The following RSF1 variants were observed in gnomAD, a reference collection of about 807,000 sequenced individuals.
RSF1 encodes HBV pX-associated protein 8.
In RSF1, 13 loss-of-function variants were observed where a neutral mutation model predicts 145.2. The ratio of observed to expected loss-of-function variants is 0.09; its 90% CI spans 0.06 to 0.14. The LOEUF (loss-of-function observed/expected upper bound fraction) is 0.14, where lower values mean the gene tolerates loss of function less well. Ranked by LOEUF, RSF1 falls within the 10% of genes least tolerant of loss-of-function variation. The pLI, the probability that RSF1 is intolerant of heterozygous loss-of-function variation, is 1.00. For synonymous variants in RSF1, 577 were observed against 592.6 expected, an observed-to-expected ratio of 0.97 and a Z score of 0.38; for missense variants, 1,517 against 1,718.2, an observed-to-expected ratio of 0.88 and a Z score of 2.07.
At chr11:77,670,904 C>T (rs552306527) in intron 15 of RSF1, among the ~76,000 whole-genome samples, 180 of 151,134 alleles carry the variant, frequency 1.2e-3, no homozygotes, top group Non-Finnish European at 2.2e-3. Context: ...GTCAGGAGTT[C>T]GAGACTAGCT....
At chr11:77,715,458 A>T (rs1294017395) in intron 5 of RSF1, among the ~76,000 whole-genome samples, 2 of 147,768 alleles carry the variant, frequency 1.4e-5, no homozygotes, top group African/African-American at 2.7e-5. Context: ...TTATTTATTT[A>T]TTTTTTTGAG....
At chr11:77,692,193 A>T (rs1310719058) in intron 8 of RSF1, among the ~76,000 whole-genome samples, 2 of 145,498 alleles carry the variant, frequency 1.4e-5, no homozygotes, top group African/African-American at 5.1e-5. Context: ...GCTTGGCCAA[A>T]CTTTCATCAT....
At chr11:77,731,083 T>G (rs563855245) in intron 4 of RSF1, among the ~76,000 whole-genome samples, 2 of 152,130 alleles carry the variant, frequency 1.3e-5, no homozygotes, top group African/African-American at 4.8e-5. Context: ...GTGGGAAAGT[T>G]TGGAACTTCC....
chr11:77,704,032 G>A (rs1214386819), intron 5 of RSF1, among the ~76,000 whole-genome samples: 2 of 152,148 alleles, frequency 1.3e-5, no homozygotes, highest in African/African-American at 2.4e-5. Flanking sequence ...AATGGCTCAC[G>A]CCTTTAATCC....
At position 77,765,929 on chromosome 11, in the gene RSF1, G is replaced by A. The variant is rs562051737; in HGVS notation, c.188-1240C>T. On this transcript the variant is annotated intron_variant, in intron 1 of 15. Coordinates refer to ENST00000308488, the MANE Select transcript of RSF1 (RefSeq NM_016578.4). ...CTCCCGGCTAGTTTTTGCATTTTTA[G>A]TAGAGACAGGGTTTCACCACGTTGG... 7.2e-5 allele frequency among the ~76,000 whole-genome samples: 11 copies of A among 152,110 alleles called. No homozygotes were observed. In the South Asian group the frequency reaches 2.3e-3, roughly 32 times the overall value.
At chr11:77,771,350 C>T (rs1948283556) in intron 1 of RSF1, among the ~76,000 whole-genome samples, 1 of 151,990 alleles carries the variant, frequency 6.6e-6, no homozygotes, top group Admixed American at 6.6e-5. Flanking sequence ...AAGATGACAC[C>T]GTAAAGATAA....
chr11:77,828,318 C>A, the RSF1 span, among the ~76,000 whole-genome samples: 1 of 151,760 alleles, frequency 6.6e-6, no homozygotes, highest in Admixed American at 6.6e-5. Context: ...ATATCAATAA[C>A]TCCATTTACA....
rs564320469 is a variant in RSF1, at chr11:77,808,778, C to A, written c.187+11750G>T. ...TCGATCTCCTGACCTCGTGATCCGC[C>A]CACCTCGGCCTCCCAAAGTGCTGGG... On this transcript the variant is annotated intron_variant, in intron 1 of 15. Coordinates refer to ENST00000308488, the MANE Select transcript of RSF1 (RefSeq NM_016578.4). Among the ~76,000 whole-genome samples, 8 of 104,586 alleles carry A rather than the reference C, an allele frequency of 7.6e-5. 2 individuals are homozygous for A. The highest frequency in any genetic ancestry group is 3.8e-3 in the Middle Eastern group (1 of 260). The allele number at this position is 104,586 out of a possible 152,430, so 68.6% of individuals were successfully genotyped here. A position where few individuals can be genotyped will look rare whatever the true frequency, so the allele number is the denominator to read the frequency against.
At chr11:77,731,983 C>T (rs1961217342) in intron 4 of RSF1, among the ~76,000 whole-genome samples, 1 of 152,196 alleles carries the variant, frequency 6.6e-6, no homozygotes, top group South Asian at 2.1e-4. Context: ...AGAAGAGGAC[C>T]ACTGTCCTCT....
chr11:77,798,901 C>T (rs567418925), intron 1 of RSF1, among the ~76,000 whole-genome samples: 16 of 149,266 alleles, frequency 1.1e-4, no homozygotes, highest in Admixed American at 2.7e-4. Context: ...GTTGATGGCA[C>T]GTGTATACCT....
At chr11:77,793,192 T>C (rs747660210) in intron 1 of RSF1, among the ~76,000 whole-genome samples, 2 of 152,150 alleles carry the variant, frequency 1.3e-5, no homozygotes, top group Non-Finnish European at 2.9e-5. Flanking sequence ...TAAAGAAACA[T>C]GATCTGGCCA....
chr11:77,666,266 ACT>A lies in RSF1; in HGVS notation c.*649_*650del, dbSNP rs1330172046. ...GATTTTATTTTTTTTTAAACAAGAA[ACT>A]CTGCTATAACAAAAATTTAGGTTAA... On this transcript the variant is annotated 3_prime_UTR_variant, in exon 16 of 16. Transcript: ENST00000308488. The A allele has an allele frequency of 6.6e-6, 1 of 152,424 alleles. No individual in the cohort carries two copies. The highest frequency in any genetic ancestry group is 1.5e-5 in the Non-Finnish European group (1 of 68,022). 9.4% of individuals were successfully genotyped at this position (152,424 alleles called of 1,614,324 possible).
At chr11:77,710,524 T>C (rs906736086) in intron 5 of RSF1, among the ~76,000 whole-genome samples, 6 of 152,204 alleles carry the variant, frequency 3.9e-5, no homozygotes, top group African/African-American at 1.4e-4. Flanking sequence ...CCAGATACTG[T>C]AGACTACATT....
intron 5 of RSF1, among the ~76,000 whole-genome samples, chr11:77,711,411 T>C (rs1158257911): frequency 6.6e-6 from 1 of 152,224 alleles, no homozygotes; most frequent in East Asian, 1.9e-4. Context: ...GGCTCACGCC[T>C]GTAATCCCAG....
chr11:77,715,145 T>C (rs759894207), intron 5 of RSF1, among the ~76,000 whole-genome samples: 6 of 152,016 alleles, frequency 3.9e-5, no homozygotes, highest in Non-Finnish European at 7.4e-5. Flanking sequence ...TCTTAAATTA[T>C]TGGGAATGAT....
At chr11:77,853,761 T>A in the RSF1 span, among the ~76,000 whole-genome samples, 3 of 151,874 alleles carry the variant, frequency 2.0e-5, no homozygotes, top group African/African-American at 7.3e-5. Flanking sequence ...GCCAACATGA[T>A]GAAACCCTGT....
chr11:77,710,214 T>C (rs906793277), intron 5 of RSF1, among the ~76,000 whole-genome samples: 6 of 152,212 alleles, frequency 3.9e-5, no homozygotes, highest in African/African-American at 9.6e-5. Context: ...AAATGATGTT[T>C]TGAAATATAA....
rs1469884589 is a variant in RSF1, at chr11:77,700,994, C to T, written c.2235G>A (p.Lys745=). The T allele has an allele frequency of 6.2e-7, 1 of 1,613,548 alleles. No homozygotes were observed. Among genetic ancestry groups the T allele is most frequent in the Non-Finnish European group, 8.5e-7 (1 of 1,180,022 alleles). ...CTAGAACTTTGGGGGGAGAATCGGG[C>T]TTCTTTTTCCGACTTGATATCCTGA... ...LTIRISSRKK[K]PDSPPKVLEP... is the part of the protein sequence containing the mutation. Residue 745 remains lysine, a synonymous_variant, in exon 6 of 16, where the codon AAG becomes AAA. Transcript: ENST00000308488.
the RSF1 span, chr11:77,869,798 G>A: frequency 6.2e-7 from 1 of 1,613,848 alleles, no homozygotes; most frequent in South Asian, 1.1e-5. Flanking sequence ...ATTGGCCGAG[G>A]GATGAGTGAG....
Sources: gnomAD v4.1 joint callset for allele counts (sites outside exome capture counted in the v4.1 genomes callset) on GRCh38, gnomAD v4.1.1 for gene constraint, MANE v1.5 for transcripts, NCBI Gene and HGNC (gene_info 2026-07-23, HGNC 2026-07-21) for gene names.